Variants in USP3 observed in about 807,000 individuals in gnomAD.
USP3 encodes the protein ubiquitin specific peptidase 3, also known as ubiquitin carboxyl-terminal hydrolase 3.
Under a neutral mutation model 72.3 loss-of-function variants are expected in USP3, and 20 were observed. The observed-to-expected ratio is 0.28, with a 90% CI of 0.19 to 0.40. The LOEUF is 0.40. Ranked by LOEUF, USP3 falls within the 10% of genes least tolerant of loss-of-function variation. The pLI is 1.00. For missense variants in USP3, 479 were observed against 633.9 expected, an observed-to-expected ratio of 0.76 and a Z score of 2.62; for synonymous variants, 222 against 225.3, an observed-to-expected ratio of 0.99 and a Z score of 0.13.
At chr15:63,537,877 GTTTCACC>G (rs1567102497) in intron 3 of USP3, among the ~76,000 whole-genome samples, 1 of 152,044 alleles carries the variant, frequency 6.6e-6, no homozygotes, top group Non-Finnish European at 1.5e-5. Flanking sequence ...TAGAGACGGA[GTTTCACC>G]ATGTTGGTCA....
chr15:63,519,080 A>G (rs1567092151), intron 1 of USP3, among the ~76,000 whole-genome samples: 3 of 152,072 alleles, frequency 2.0e-5, no homozygotes, highest in Non-Finnish European at 2.9e-5. Context: ...TTTCTTTTCA[A>G]TCAGCAGAGA....
chr15:63,569,062 A>G (rs2066739139), intron 8 of USP3, among the ~76,000 whole-genome samples: 1 of 152,228 alleles, frequency 6.6e-6, no homozygotes, highest in Non-Finnish European at 1.5e-5. Flanking sequence ...TTTTCATGAT[A>G]CATTTTAGGA....
intron 1 of USP3, chr15:63,515,638 A>T (rs1409351673): frequency 5.3e-5 from 8 of 152,206 alleles, no homozygotes; most frequent in Non-Finnish European, 7.3e-5. Flanking sequence ...CAAATGATAA[A>T]CTGCTATTCT....
At chr15:63,513,485 T>G (rs1159358453) in intron 1 of USP3, among the ~76,000 whole-genome samples, 1 of 152,160 alleles carries the variant, frequency 6.6e-6, no homozygotes, top group Admixed American at 6.5e-5. Flanking sequence ...GCTTAAGTGA[T>G]CCTTCCACTT....
rs2067209338 is a variant in USP3, at chr15:63,591,947, C to T, written c.*1121C>T. ...GGGGTTTTTGGAGACAAGAGTCTCT[C>T]TCTGTTGCCCAGGCTGGAGTGCAGT... On this transcript the variant is annotated 3_prime_UTR_variant, in exon 15 of 15. Coordinates refer to ENST00000380324, the MANE Select transcript of USP3 (RefSeq NM_006537.4). 6.6e-6 allele frequency: 1 copy of T among 152,372 alleles called. No individual in the cohort carries two copies. 9.4% of individuals were successfully genotyped at this position (152,372 alleles called of 1,614,324 possible).
In USP3 at chr15:63,553,670, T is replaced by C; in HGVS notation, c.285-45T>C. The C allele has an allele frequency of 6.4e-7, 1 of 1,570,404 alleles. No individual in the cohort carries two copies. Among genetic ancestry groups the C allele is most frequent in the Non-Finnish European group, 8.7e-7 (1 of 1,154,340 alleles). ...CCTTTTAGTGATTTCATTACTGTGGTTTCCTCAAGCTCTTTACACACATTG... is the reference window on the plus strand; with the variant it reads ...CCTTTTAGTGATTTCATTACTGTGGCTTCCTCAAGCTCTTTACACACATTG... On this transcript the variant is annotated intron_variant, in intron 3 of 14. Transcript: ENST00000380324. The surrounding 1 kb of genome is among the most constrained non-coding windows in gnomAD (Gnocchi z 4.2).
intron 6 of USP3, 115 bp from the exon 7 acceptor site, chr15:63,559,742 T>A (rs2066573456): frequency 2.4e-6 from 2 of 830,928 alleles, no homozygotes; most frequent in South Asian, 3.7e-5. Flanking sequence ...TGAGTACAGT[T>A]TAAATGAGAC....
intron 8 of USP3, among the ~76,000 whole-genome samples, chr15:63,569,238 C>A (rs536326907): frequency 4.6e-5 from 7 of 152,244 alleles, no homozygotes; most frequent in African/African-American, 1.4e-4. Context: ...AAAGGAACTA[C>A]CAACTTTGAA....
At chr15:63,562,503 G>T (rs996511576) in intron 7 of USP3, among the ~76,000 whole-genome samples, 1 of 152,212 alleles carries the variant, frequency 6.6e-6, no homozygotes, top group African/African-American at 2.4e-5. Flanking sequence ...GGGGGTGCTA[G>T]TGAGTGGCAA....
At chr15:63,543,359 A>G (rs1471708596) in intron 3 of USP3, among the ~76,000 whole-genome samples, 1 of 152,198 alleles carries the variant, frequency 6.6e-6, no homozygotes, top group African/African-American at 2.4e-5. Context: ...ACTATGTGCT[A>G]GGGACCTAGT....
intron 1 of USP3, among the ~76,000 whole-genome samples, chr15:63,517,527 G>T (rs1168560285): frequency 6.6e-6 from 1 of 152,148 alleles, no homozygotes; most frequent in East Asian, 1.9e-4. Flanking sequence ...CATGTAAAAA[G>T]CTTTGTAACT....
In USP3 at chr15:63,548,042, C is replaced by T. The variant is rs545611877; in HGVS notation, c.285-5673C>T. ...GGGAGGATCACTTGAGCCAGGGAGA[C>T]GGAGGTTGCAGTGAGCTGAGATGGG... On this transcript the variant is annotated intron_variant, in intron 3 of 14. Coordinates refer to ENST00000380324, the MANE Select transcript of USP3 (RefSeq NM_006537.4). Among the ~76,000 whole-genome samples, 13 of 122,148 alleles carry T rather than the reference C, an allele frequency of 1.1e-4. No individual in the cohort carries two copies. The East Asian group carries it at 2.7e-3, about 25-fold the overall frequency. 80.1% of individuals were successfully genotyped at this position (122,148 alleles called of 152,430 possible).
intron 14 of USP3, 69 bp from the exon 15 acceptor site, chr15:63,590,592 T>C (rs1344284484): frequency 7.3e-7 from 1 of 1,364,866 alleles, no homozygotes; most frequent in East Asian, 2.5e-5. Context: ...AAATCTAACA[T>C]TATATAGTTG....
intron 3 of USP3, among the ~76,000 whole-genome samples, chr15:63,547,401 T>G (rs1463799101): frequency 1.3e-5 from 2 of 151,966 alleles, no homozygotes; most frequent in Non-Finnish European, 2.9e-5. Context: ...AAAAAAAAAT[T>G]TTTAAACCAG....
At chr15:63,518,928 G>A (rs2065884580) in intron 1 of USP3, among the ~76,000 whole-genome samples, 1 of 152,038 alleles carries the variant, frequency 6.6e-6, no homozygotes. Context: ...ACCACGCCCG[G>A]CTAATTTTTT....
chr15:63,506,825 A>G (rs182540662), intron 1 of USP3, among the ~76,000 whole-genome samples: 3 of 152,318 alleles, frequency 2.0e-5, no homozygotes, highest in East Asian at 3.9e-4. Context: ...GGGTCTAGTC[A>G]CTTACTTGGA....
intron 1 of USP3, among the ~76,000 whole-genome samples, chr15:63,530,326 CT>C (rs764559960): frequency 2.4e-3 from 299 of 124,292 alleles, no homozygotes; most frequent in African/African-American, 3.5e-3. Flanking sequence ...TTACATCCAT[CT>C]TTTTTTTTTT....
At chr15:63,527,080 A>G (rs913145241) in intron 1 of USP3, among the ~76,000 whole-genome samples, 1 of 151,994 alleles carries the variant, frequency 6.6e-6, no homozygotes, top group Non-Finnish European at 1.5e-5. Context: ...TATTTTTAGT[A>G]GATATGGGGT....
At chr15:63,530,123 T>A (rs1595717379) in intron 1 of USP3, among the ~76,000 whole-genome samples, 1 of 151,952 alleles carries the variant, frequency 6.6e-6, no homozygotes, top group East Asian at 1.9e-4. Flanking sequence ...GGCGACAGAG[T>A]GAGACCCTTT....
Sources: allele counts gnomAD v4.1 joint callset (sites outside exome capture counted in the v4.1 genomes callset), GRCh38; gene constraint gnomAD v4.1.1; non-coding constraint Gnocchi (gnomAD v3.1); transcripts MANE v1.5; gene names NCBI Gene and HGNC (gene_info 2026-07-23, HGNC 2026-07-21).